Variants in SLC17A7 observed in about 807,000 individuals in gnomAD.
The protein encoded by SLC17A7 is solute carrier family 17 member 7, also known as vesicular glutamate transporter 1.
In SLC17A7, 15 loss-of-function variants were observed where a neutral mutation model predicts 59.1. The ratio of observed to expected loss-of-function variants is 0.25; its 90% CI spans 0.17 to 0.39. SLC17A7 has a LOEUF of 0.39. Ranked by LOEUF, SLC17A7 falls within the 10% of genes least tolerant of loss-of-function variation. The probability of loss-of-function intolerance (pLI) is 1.00; values close to 1 mark genes in which losing one functional copy is unlikely to be tolerated. For missense variants in SLC17A7, 499 were observed against 765.1 expected, an observed-to-expected ratio of 0.65 and a Z score of 4.10; for synonymous variants, 353 against 308.9, an observed-to-expected ratio of 1.14 and a Z score of -1.50.
At chr19:49,432,163 TCTCC>T (rs2078963175) in intron 9 of SLC17A7, among the ~76,000 whole-genome samples, 3 of 152,134 alleles carry the variant, frequency 2.0e-5, no homozygotes, top group African/African-American at 7.2e-5. Context: ...GGACCCTGTC[TCTCC>T]AGGTGCCTTG....
At chr19:49,434,567 T>G in intron 5 of SLC17A7, 35 bp downstream of exon 5, 1 of 1,451,148 alleles carries the variant, frequency 6.9e-7, no homozygotes, top group Non-Finnish European at 9.3e-7. Context: ...CCCTCCTCCC[T>G]CAGATTCAGG....
rs757745901 is a variant in SLC17A7, at chr19:49,433,709, A to C, written c.867+17T>G. ...GCTATCTCTCCCCGCCCCTTCCCCG[A>C]AGATTTGGTCCCGGACCGTGAGGGG... On this transcript the variant is annotated intron_variant, in intron 7 of 11. Transcript: ENST00000221485. The surrounding 1 kb of genome is among the most constrained non-coding windows in gnomAD (Gnocchi z 5.7). 5.6e-6 allele frequency: 9 copies of C among 1,613,606 alleles called. No homozygotes were observed. Among genetic ancestry groups the C allele is most frequent in the Non-Finnish European group, 7.6e-6 (9 of 1,179,942 alleles).
Position 49,432,805 on chromosome 19 carries a change from C to G in SLC17A7, c.1017+6G>C. 6.3e-7 allele frequency: 1 copy of G among 1,587,912 alleles called. No individual in the cohort carries two copies. The highest frequency in any genetic ancestry group is 1.3e-5 in the African/African-American group (1 of 74,596). On this transcript the variant is annotated splice_donor_region_variant and intron_variant, in intron 8 of 11. Coordinates refer to ENST00000221485, the MANE Select transcript of SLC17A7 (RefSeq NM_020309.4). Reference sequence around the variant, plus strand: ...CGCCCCCCTGCCCTCTCCTCCTGGGCTCTACCTTGCTGATCTCGAAGCCGA... The same window carrying G: ...CGCCCCCCTGCCCTCTCCTCCTGGGGTCTACCTTGCTGATCTCGAAGCCGA...
chr19:49,436,633 A>G lies in SLC17A7; in HGVS notation c.231T>C (p.Phe77=). The G allele has an allele frequency of 1.2e-6, 2 of 1,614,036 alleles. No individual in the cohort carries two copies. The highest frequency in any genetic ancestry group is 1.7e-6 in the Non-Finnish European group (2 of 1,179,990). ...IMSGLGFCIS[F]GIRCNLGVAI... ...CCACGCCCAGGTTGCAGCGGATGCC[A>G]AAGCTGATGCAGAAGCCCAGACCAC... The change falls in exon 2 of 12, where the codon TTT becomes TTC. Residue 77 remains phenylalanine (F), a synonymous_variant. Coordinates refer to ENST00000221485, the MANE Select transcript of SLC17A7 (RefSeq NM_020309.4). The surrounding 1 kb of genome is among the most constrained non-coding windows in gnomAD (Gnocchi z 4.1).
chr19:49,433,521 T>G lies in SLC17A7; in HGVS notation c.867+205A>C, dbSNP rs1326771904. ...GCCCTGTCAGTGGTTCTAATCCTGC[T>G]CAACTCCCGACCTAACCCTGCCCCC... On this transcript the variant is annotated intron_variant, in intron 7 of 11. Transcript: ENST00000221485. This position sits in a 1 kb window ranked among gnomAD's most constrained non-coding sequence, Gnocchi z 5.7. 6 of 725,194 alleles carry G rather than the reference T, an allele frequency of 8.3e-6. No individual in the cohort carries two copies. Among genetic ancestry groups the G allele is most frequent in the Non-Finnish European group, 1.2e-5 (5 of 406,622 alleles). 44.9% of individuals were successfully genotyped at this position (725,194 alleles called of 1,614,324 possible).
chr19:49,433,480 T>C lies in SLC17A7; in HGVS notation c.867+246A>G, dbSNP rs770657343. The C allele has an allele frequency of 3.1e-6, 2 of 655,588 alleles. No homozygotes were observed. Among genetic ancestry groups the C allele is most frequent in the South Asian group, 3.2e-5 (2 of 62,766 alleles). The allele number at this position is 655,588 out of a possible 1,614,324, so 40.6% of individuals were successfully genotyped here. ...AACCCCCACATTCTAATCCCTTCTCTGCTGGCTTTAACTATGCCCTGTCAG... is the reference window on the plus strand; with the variant it reads ...AACCCCCACATTCTAATCCCTTCTCCGCTGGCTTTAACTATGCCCTGTCAG... On this transcript the variant is annotated intron_variant, in intron 7 of 11. Transcript: ENST00000221485. The surrounding 1 kb of genome is among the most constrained non-coding windows in gnomAD (Gnocchi z 5.7).
chr19:49,435,106 C>A, intron 3 of SLC17A7, 62 bp downstream of exon 3: 2 of 1,299,610 alleles, frequency 1.5e-6, no homozygotes, highest in Non-Finnish European at 2.2e-6. Context: ...TTCAAGACCA[C>A]GCCCTCTAAC....
rs780105787 is a variant in SLC17A7 at position 49,432,877 on chromosome 19, C to T, written c.951G>A (p.Thr317=). 1 of 1,597,202 alleles carries T rather than the reference C, an allele frequency of 6.3e-7. No individual in the cohort carries two copies. Among genetic ancestry groups the T allele is most frequent in the South Asian group, 1.1e-5 (1 of 88,198 alleles). The change falls in exon 8 of 12, where the codon ACG becomes ACA. Residue 317 remains threonine, a synonymous_variant. Coordinates refer to ENST00000221485, the MANE Select transcript of SLC17A7 (RefSeq NM_020309.4). ...IIVANFCRSW[T]FYLLLISQPA... is the part of the protein sequence containing the mutation. Reference sequence around the variant, plus strand: ...GCTGGGAGATGAGCAGCAGGTAGAACGTCCAGCTGCGGCAGAAGTTGGCCA... The same window carrying T: ...GCTGGGAGATGAGCAGCAGGTAGAATGTCCAGCTGCGGCAGAAGTTGGCCA...
At chr19:49,439,901 AC>A (rs1369083938) in intron 1 of SLC17A7, among the ~76,000 whole-genome samples, 2 of 146,172 alleles carry the variant, frequency 1.4e-5, no homozygotes, top group Admixed American at 6.6e-5. Flanking sequence ...TCCCGCTGCC[AC>A]CCCCCAGCCC....
At chr19:49,434,094 TCAAG>T in intron 5 of SLC17A7, 48 bp from the exon 6 acceptor site, 1 of 1,273,692 alleles carries the variant, frequency 7.9e-7, no homozygotes. Flanking sequence ...TTCCCTCAGA[TCAAG>T]GAGTGCGGAC....
chr19:49,438,740 A>G (rs2078989068), intron 1 of SLC17A7, among the ~76,000 whole-genome samples: 1 of 152,100 alleles, frequency 6.6e-6, no homozygotes, highest in East Asian at 1.9e-4. Context: ...ATCAGAACCC[A>G]TCACCCAAAG....
intron 5 of SLC17A7, 92 bp downstream of exon 5, chr19:49,434,510 G>GGC: frequency 2.3e-5 from 27 of 1,156,850 alleles, no homozygotes; most frequent in Non-Finnish European, 3.3e-5. Context: ...CAGGAGTTCA[G>GGC]CCCCCCCAGC....
intron 8 of SLC17A7, 66 bp from the exon 9 acceptor site, chr19:49,432,717 C>A (rs1600984403): frequency 6.2e-7 from 1 of 1,604,562 alleles, no homozygotes; most frequent in East Asian, 2.2e-5. Flanking sequence ...CTGCCCGGTC[C>A]GTGCACCACC....
At chr19:49,437,963 G>C (rs2078986264) in intron 1 of SLC17A7, 2 of 150,316 alleles carry the variant, frequency 1.3e-5, no homozygotes, top group South Asian at 4.3e-4. Flanking sequence ...GATACAGCGG[G>C]ACAGAGACCC....
intron 1 of SLC17A7, chr19:49,438,004 AG>A (rs2078986433): frequency 6.6e-6 from 1 of 150,894 alleles, no homozygotes; most frequent in Non-Finnish European, 1.5e-5. Context: ...ACCCAGAAAG[AG>A]GGGGACAGAG....
Position 49,433,580 on chromosome 19 carries a change from AC to A in SLC17A7, c.867+145del. 1 of 1,208,986 alleles carries A rather than the reference AC, an allele frequency of 8.3e-7. No homozygotes were observed. Among genetic ancestry groups the A allele is most frequent in the Non-Finnish European group, 1.2e-6 (1 of 841,208 alleles). 74.9% of individuals were successfully genotyped at this position (1,208,986 alleles called of 1,614,324 possible). ...AGAATCTCGTCCTCCGCGGGTTGCA[AC>A]CCGCCTCCTAGGTTCTAGCCCCTCT... On this transcript the variant is annotated intron_variant, in intron 7 of 11. Transcript: ENST00000221485. This position sits in a 1 kb window ranked among gnomAD's most constrained non-coding sequence, Gnocchi z 5.7.
chr19:49,434,889 G>C lies in SLC17A7; in HGVS notation c.435-7C>G, dbSNP rs757370789. The C allele has an allele frequency of 2.1e-5, 33 of 1,608,428 alleles. No individual in the cohort carries two copies. Among genetic ancestry groups the C allele is most frequent in the Non-Finnish European group, 2.7e-5 (32 of 1,176,288 alleles). On this transcript the variant is annotated splice_polypyrimidine_tract_variant and splice_region_variant and intron_variant, in intron 3 of 11. Coordinates refer to ENST00000221485, the MANE Select transcript of SLC17A7 (RefSeq NM_020309.4). Reference sequence around the variant, plus strand: ...AATAGCAAAGCCGAAAACTCTGATGGGAAGGGTCAGAGAAAAGAATCCAAG... The same window carrying C: ...AATAGCAAAGCCGAAAACTCTGATGCGAAGGGTCAGAGAAAAGAATCCAAG...
chr19:49,433,069 G>T lies in SLC17A7; in HGVS notation c.868-109C>A. ...CTGCAGAAACCAAAGGATCCCGACC[G>T]CACTGAAACTTCTATGGACCCAAAG... On this transcript the variant is annotated intron_variant, in intron 7 of 11. Transcript: ENST00000221485. The surrounding 1 kb of genome is among the most constrained non-coding windows in gnomAD (Gnocchi z 5.7). The T allele has an allele frequency of 1.7e-6, 2 of 1,202,644 alleles. No individual in the cohort carries two copies. Among genetic ancestry groups the T allele is most frequent in the South Asian group, 1.5e-5 (1 of 66,366 alleles). The allele number at this position is 1,202,644 out of a possible 1,614,324, so 74.5% of individuals were successfully genotyped here.
In SLC17A7 at chr19:49,430,726, T is replaced by C. The variant is rs749684010; in HGVS notation, c.1476A>G (p.Gly492=). The C allele has an allele frequency of 3.2e-5, 52 of 1,613,888 alleles. No homozygotes were observed. In the African/African-American group the frequency reaches 6.8e-4, roughly 21 times the overall value. ...GVIFYGVFAS[G]EKQPWAEPEE... ...CAGGCTCTGCCCACGGCTGCTTCTC[T>C]CCAGAAGCAAAGACCCCGTAGAAGA... Residue 492 remains glycine (G), a synonymous_variant, in exon 12 of 12, where the codon GGA becomes GGG. Transcript: ENST00000221485.
Sources: allele counts gnomAD v4.1 joint callset (sites outside exome capture counted in the v4.1 genomes callset), GRCh38; gene constraint gnomAD v4.1.1; non-coding constraint Gnocchi (gnomAD v3.1); transcripts MANE v1.5; gene names NCBI Gene and HGNC (gene_info 2026-07-23, HGNC 2026-07-21).